TIAL1: variants seen among roughly 807,000 people sequenced by gnomAD.
The protein encoded by TIAL1 is TIA1 cytotoxic granule associated RNA binding protein like 1.
TIAL1 carries 7 observed loss-of-function variants against 59.7 expected under a neutral mutation model. The observed-to-expected ratio is 0.12, with a 90% confidence interval of 0.07 to 0.22. The LOEUF (loss-of-function observed/expected upper bound fraction) is 0.22. Among genes scored for constraint, TIAL1 ranks in the 10% least tolerant of loss-of-function variants. The pLI is 1.00. For missense variants in TIAL1, 225 were observed against 462.5 expected (o/e 0.49, Z 4.71); for synonymous variants, 149 against 146.3 (o/e 1.02, Z -0.13).
At chr10:119,576,471 G>C in intron 11 of TIAL1, 140 bp downstream of exon 11, 2 of 1,143,144 alleles carry the variant, frequency 1.7e-6, no homozygotes, top group Non-Finnish European at 2.4e-6. Flanking sequence ...ATCATATTTT[G>C]TTAGATTAGT....
chr10:119,590,090 G>C (rs1026214432), intron 1 of TIAL1, among the ~76,000 whole-genome samples: 1 of 152,152 alleles, frequency 6.6e-6, no homozygotes, highest in African/African-American at 2.4e-5. Flanking sequence ...AATTAGTAGC[G>C]ATTTTCCAGT....
chr10:119,586,299 G>A (rs146392890), intron 2 of TIAL1, among the ~76,000 whole-genome samples: 276 of 152,212 alleles, frequency 1.8e-3, no homozygotes, highest in African/African-American at 6.2e-3. Flanking sequence ...ATGAATCTTA[G>A]GGTATTTCCT....
chr10:119,593,690 T>G (rs1218207324), intron 1 of TIAL1, among the ~76,000 whole-genome samples: 1 of 152,160 alleles, frequency 6.6e-6, no homozygotes, highest in African/African-American at 2.4e-5. Flanking sequence ...GATATCAACG[T>G]CTAAAATCAT....
Position 119,596,405 on chromosome 10 carries a change from G to A in TIAL1, c.32+29C>T, listed in dbSNP as rs577561156. The A allele has an allele frequency of 3.1e-6, 5 of 1,610,838 alleles. No individual in the cohort carries two copies. The Admixed American group carries it at 5.0e-5, about 16-fold the overall frequency. On this transcript the variant is annotated intron_variant, in intron 1 of 11. Coordinates refer to ENST00000436547, the MANE Select transcript of TIAL1 (RefSeq NM_003252.4). ...TCCCGCGGTGCCCGGGCCTCTTGGCGCCTGGCACCCCTCGTCTCGGGTACT... is the reference window on the plus strand; with the variant it reads ...TCCCGCGGTGCCCGGGCCTCTTGGCACCTGGCACCCCTCGTCTCGGGTACT...
At chr10:119,594,584 C>G (rs1473459677) in intron 1 of TIAL1, among the ~76,000 whole-genome samples, 2 of 152,180 alleles carry the variant, frequency 1.3e-5, no homozygotes, top group African/African-American at 4.8e-5. Flanking sequence ...CACATTGTAA[C>G]TCAACACCAA....
intron 1 of TIAL1, among the ~76,000 whole-genome samples, chr10:119,589,899 A>T (rs1845764151): frequency 6.6e-6 from 1 of 152,218 alleles, no homozygotes; most frequent in Admixed American, 6.5e-5. Context: ...CATTCTGGAA[A>T]GTAGATTTCT....
At chr10:119,588,069 T>C (rs1226092792) in intron 2 of TIAL1, 83 bp downstream of exon 2, 7 of 782,898 alleles carry the variant, frequency 8.9e-6, no homozygotes, top group Non-Finnish European at 1.3e-5. Flanking sequence ...CCAGAATAAC[T>C]TGAGGCTTAC....
intron 1 of TIAL1, among the ~76,000 whole-genome samples, chr10:119,595,004 A>T (rs1212713338): frequency 1.3e-5 from 2 of 152,176 alleles, no homozygotes; most frequent in East Asian, 3.8e-4. Flanking sequence ...AAACACAAAG[A>T]CGTTCTATTA....
intron 1 of TIAL1, among the ~76,000 whole-genome samples, chr10:119,594,813 CG>C (rs1184945811): frequency 6.6e-6 from 1 of 152,034 alleles, no homozygotes; most frequent in Non-Finnish European, 1.5e-5. Flanking sequence ...TTTGTAGAGA[CG>C]GAGTTTCACC....
At chr10:119,592,332 T>C (rs1027265767) in intron 1 of TIAL1, 9 of 152,296 alleles carry the variant, frequency 5.9e-5, no homozygotes, top group South Asian at 4.1e-4. Context: ...CACCTTTATC[T>C]CTAATATCAG....
Position 119,576,668 on chromosome 10 carries a change from T to G in TIAL1, c.944A>C (p.Gln315Pro), listed in dbSNP as rs766156860. The change falls in exon 11 of 12, where the codon CAA (glutamine) becomes CCA (proline). Residue 315 changes from glutamine to proline, a missense_variant. Gln to Pro is a moderately conservative substitution (Grantham distance 76, BLOSUM62 -1). Around this residue, in one of 4 missense-constraint regions of TIAL1, gnomAD observed 80 missense variants for 158.8 expected, o/e 0.50. Transcript: ENST00000436547. ...QYGQYMANGW[Q>P]VPPYGVYGQP... ...CCCGTATACTCCATAAGGCGGTACTTGCCACCCATTTGCCATATACTGTCC... is the reference window on the plus strand; with the variant it reads ...CCCGTATACTCCATAAGGCGGTACTGGCCACCCATTTGCCATATACTGTCC... 6.2e-7 allele frequency: 1 copy of G among 1,614,170 alleles called. No homozygotes were observed. The highest frequency in any genetic ancestry group is 1.1e-5 in the South Asian group (1 of 91,076).
Position 119,582,320 on chromosome 10 carries a change from G to T in TIAL1, c.229-97C>A. 1 of 1,469,452 alleles carries T rather than the reference G, an allele frequency of 6.8e-7. No individual in the cohort carries two copies. The highest frequency in any genetic ancestry group is 2.3e-5 in the East Asian group (1 of 43,746). 91.0% of individuals were successfully genotyped at this position (1,469,452 alleles called of 1,614,324 possible). Reference sequence around the variant, plus strand: ...TCATTTATCAAGCAGGGTTATTTTTGTAAAAGCACTAAGCTGAATAAAGCA... The same window carrying T: ...TCATTTATCAAGCAGGGTTATTTTTTTAAAAGCACTAAGCTGAATAAAGCA... On this transcript the variant is annotated intron_variant, in intron 3 of 11. Coordinates refer to ENST00000436547, the MANE Select transcript of TIAL1 (RefSeq NM_003252.4). The surrounding 1 kb of genome is among the most constrained non-coding windows in gnomAD (Gnocchi z 5.1).
At position 119,582,441 on chromosome 10, in the gene TIAL1, A is replaced by C. The variant is rs766877440; in HGVS notation, c.228+18T>G. 30 of 1,578,402 alleles carry C rather than the reference A, an allele frequency of 1.9e-5. No individual in the cohort carries two copies. Among genetic ancestry groups the C allele is most frequent in the Admixed American group, 1.9e-5 (1 of 51,298 alleles). On this transcript the variant is annotated intron_variant, in intron 3 of 11. Coordinates refer to ENST00000436547, the MANE Select transcript of TIAL1 (RefSeq NM_003252.4). This position sits in a 1 kb window ranked among gnomAD's most constrained non-coding sequence, Gnocchi z 5.1. ...CAAATATATGTACTCATAAGGTGCC[A>C]TCATCCTATTATCTTACCTTTCCCA...
At chr10:119,581,174 AT>A in intron 5 of TIAL1, among the ~76,000 whole-genome samples, 1 of 152,190 alleles carries the variant, frequency 6.6e-6, no homozygotes, top group East Asian at 1.9e-4. Context: ...AAATAAACTG[AT>A]TTTAATCAGA....
chr10:119,586,903 T>C (rs1845594204), intron 2 of TIAL1, among the ~76,000 whole-genome samples: 1 of 152,216 alleles, frequency 6.6e-6, no homozygotes, highest in South Asian at 2.1e-4. Context: ...ATCACAGAAC[T>C]CTGTTTTATT....
At chr10:119,576,947 A>T in intron 10 of TIAL1, 133 bp downstream of exon 10, 1 of 1,369,248 alleles carries the variant, frequency 7.3e-7, no homozygotes, top group Non-Finnish European at 9.9e-7. Context: ...TACCGCAAAT[A>T]ATCAATTTTG....
In TIAL1 at chr10:119,593,757, C is replaced by T. The variant is rs148610775; in HGVS notation, c.32+2677G>A. 8.6e-5 allele frequency among the ~76,000 whole-genome samples: 13 copies of T among 152,012 alleles called. No individual in the cohort carries two copies. In the East Asian group the frequency reaches 9.6e-4, roughly 11 times the overall value. On this transcript the variant is annotated intron_variant, in intron 1 of 11. Transcript: ENST00000436547. Reference sequence around the variant, plus strand: ...TAGAACCCTTTGAGAATATGTAAAACGTACACTTAGAAAAACTATGCATTA... The same window carrying T: ...TAGAACCCTTTGAGAATATGTAAAATGTACACTTAGAAAAACTATGCATTA...
Position 119,582,416 on chromosome 10 carries a change from C to A in TIAL1, c.228+43G>T. The A allele has an allele frequency of 6.5e-7, 1 of 1,539,072 alleles. No homozygotes were observed. The stretch of plus-strand genomic sequence containing the variant: ...AAAGAATACAAACTAGTTTGACATG[C>A]AAATATATGTACTCATAAGGTGCCA... On this transcript the variant is annotated intron_variant, in intron 3 of 11. Coordinates refer to ENST00000436547, the MANE Select transcript of TIAL1 (RefSeq NM_003252.4). This position sits in a 1 kb window ranked among gnomAD's most constrained non-coding sequence, Gnocchi z 5.1.
At position 119,576,745 on chromosome 10, in the gene TIAL1, G is replaced by A. The variant is rs1338162303; in HGVS notation, c.867C>T (p.Asp289=). The A allele has an allele frequency of 6.2e-7, 1 of 1,613,054 alleles. No individual in the cohort carries two copies. The highest frequency in any genetic ancestry group is 8.5e-7 in the Non-Finnish European group (1 of 1,179,824). ...PDMTKNFQQV[D]YSQWGQWSQV... is the part of the protein sequence containing the mutation. The stretch of plus-strand genomic sequence containing the variant: ...GGCTCCATTGGCCCCATTGACTATA[G>A]TCAACCTAGGAAAAAGCAAAGTATT... The change falls in exon 11 of 12, where the codon GAC becomes GAT. Residue 289 remains aspartate, a synonymous_variant. Transcript: ENST00000436547.
Sources: gnomAD v4.1 joint callset for allele counts (sites outside exome capture counted in the v4.1 genomes callset) on GRCh38, gnomAD v4.1.1 for gene constraint, gnomAD v4.1.1 regional missense constraint, Gnocchi (gnomAD v3.1) non-coding constraint, MANE v1.5 for transcripts, NCBI Gene and HGNC (gene_info 2026-07-23, HGNC 2026-07-21) for gene names.